FRMD4A: variants seen among roughly 807,000 people sequenced by gnomAD.
FRMD4A encodes the protein FERM domain containing 4A.
A neutral mutation model predicts 129.1 loss-of-function variants in FRMD4A; 29 were observed. The observed-to-expected ratio is 0.22, with a 90% CI of 0.17 to 0.31. FRMD4A has a LOEUF of 0.31. Among genes scored for constraint, FRMD4A ranks in the 10% least tolerant of loss-of-function variants. The probability of loss-of-function intolerance (pLI) is 1.00; values close to 1 mark genes in which losing one functional copy is unlikely to be tolerated. For missense variants in FRMD4A, 1,272 were observed against 1,375.8 expected, an observed-to-expected ratio of 0.92 and a Z score of 1.19; for synonymous variants, 634 against 571.6, an observed-to-expected ratio of 1.11 and a Z score of -1.56.
At chr10:14,144,960 G>A (rs1347186574) in intron 2 of FRMD4A, among the ~76,000 whole-genome samples, 1 of 152,156 alleles carries the variant, frequency 6.6e-6, no homozygotes, top group Non-Finnish European at 1.5e-5. Flanking sequence ...ACCATCTACT[G>A]CTGCTTCTTC....
At chr10:13,723,934 A>G (rs1220463693) in intron 12 of FRMD4A, among the ~76,000 whole-genome samples, 1 of 152,238 alleles carries the variant, frequency 6.6e-6, no homozygotes, top group Admixed American at 6.5e-5. Flanking sequence ...GATTGTCATA[A>G]AGAACTGGAC....
intron 2 of FRMD4A, among the ~76,000 whole-genome samples, chr10:14,235,014 T>C (rs1843754975): frequency 6.6e-6 from 1 of 152,172 alleles, no homozygotes. Flanking sequence ...TTTGTTGCTA[T>C]ATAGGTACGT....
At chr10:14,048,865 TAGAATAGAATAGAATAG>T (rs1834114505) in intron 2 of FRMD4A, among the ~76,000 whole-genome samples, 1 of 134,594 alleles carries the variant, frequency 7.4e-6, no homozygotes, top group Non-Finnish European at 1.7e-5. Context: ...TAGAATAGAA[TAGAATAGAATAGAATAG>T]AATAGAATAG....
intron 2 of FRMD4A, among the ~76,000 whole-genome samples, chr10:14,159,608 T>G (rs1049930950): frequency 3.3e-5 from 5 of 152,062 alleles, no homozygotes; most frequent in African/African-American, 1.2e-4. Context: ...AATGACATTC[T>G]TTACAAAAAC....
At chr10:14,232,924 C>T (rs1308893473) in intron 2 of FRMD4A, among the ~76,000 whole-genome samples, 2 of 152,104 alleles carry the variant, frequency 1.3e-5, no homozygotes, top group Non-Finnish European at 2.9e-5. Context: ...CGTAGTCTTG[C>T]CTGATTACTC....
At chr10:13,863,915 C>T (rs2094328328) in intron 2 of FRMD4A, among the ~76,000 whole-genome samples, 1 of 152,176 alleles carries the variant, frequency 6.6e-6, no homozygotes, top group Non-Finnish European at 1.5e-5. Flanking sequence ...TCAGAACATT[C>T]TGCTGCCCAC....
chr10:13,810,860 T>A lies in FRMD4A; in HGVS notation c.160A>T (p.Asn54Tyr). ...ELLDLVASHFNLKEKEYFGIA... is the reference protein window; with the variant it reads ...ELLDLVASHFYLKEKEYFGIA... ...CCAAAGTACTCCTTTTCCTTCAGATTGAAGTGAGAAGCCACAAGGTCAAGA... is the reference window on the plus strand; with the variant it reads ...CCAAAGTACTCCTTTTCCTTCAGATAGAAGTGAGAAGCCACAAGGTCAAGA... The change falls in exon 4 of 25, where the codon AAT (asparagine) becomes TAT (tyrosine). Residue 54 changes from asparagine (N) to tyrosine (Y), a missense_variant. Coordinates refer to ENST00000357447, the MANE Select transcript of FRMD4A (RefSeq NM_018027.5). 6.2e-7 allele frequency: 1 copy of A among 1,606,106 alleles called. No homozygotes were observed. Among genetic ancestry groups the A allele is most frequent in the Non-Finnish European group, 8.5e-7 (1 of 1,173,438 alleles).
intron 2 of FRMD4A, among the ~76,000 whole-genome samples, chr10:14,165,220 T>C (rs1259372728): frequency 6.6e-6 from 1 of 152,154 alleles, no homozygotes; most frequent in African/African-American, 2.4e-5. Flanking sequence ...TGAACAGACA[T>C]TTTTCAAAAG....
intron 12 of FRMD4A, among the ~76,000 whole-genome samples, chr10:13,716,598 C>T (rs1174608856): frequency 6.6e-6 from 1 of 152,194 alleles, no homozygotes; most frequent in Non-Finnish European, 1.5e-5. Context: ...ACAACGCGAG[C>T]TCTAAATTGA....
intron 15 of FRMD4A, chr10:13,684,941 G>A (rs1314601799): frequency 1.0e-6 from 1 of 984,574 alleles, no homozygotes; most frequent in African/African-American, 1.7e-5. Context: ...GAAAAGTTTT[G>A]GCAGACATCC....
At chr10:13,873,511 G>T (rs963876873) in intron 2 of FRMD4A, among the ~76,000 whole-genome samples, 3 of 152,318 alleles carry the variant, frequency 2.0e-5, no homozygotes, top group African/African-American at 7.2e-5. Flanking sequence ...TACAGGGAGA[G>T]AGTTGGAAAG....
At chr10:14,173,092 G>A (rs542022359) in intron 2 of FRMD4A, among the ~76,000 whole-genome samples, 2 of 152,330 alleles carry the variant, frequency 1.3e-5, no homozygotes, top group South Asian at 4.1e-4. Context: ...GCATCAAAGA[G>A]ATGAGGTAAA....
intron 19 of FRMD4A, 101 bp downstream of exon 19, chr10:13,663,352 C>G (rs2082782674): frequency 8.3e-6 from 6 of 724,952 alleles, no homozygotes; most frequent in Non-Finnish European, 1.5e-5. Context: ...GCCTTTTGGC[C>G]TGGCTCTTGC....
intron 12 of FRMD4A, among the ~76,000 whole-genome samples, chr10:13,729,893 T>C (rs2090205806): frequency 6.6e-6 from 1 of 152,264 alleles, no homozygotes. Context: ...AGTGATGATT[T>C]ACAGATATTG....
chr10:14,209,251 G>A (rs1189839210), intron 2 of FRMD4A, among the ~76,000 whole-genome samples: 1 of 151,996 alleles, frequency 6.6e-6, no homozygotes, highest in Non-Finnish European at 1.5e-5. Context: ...CAAAATAATT[G>A]GATTTCTGGG....
At chr10:14,273,371 C>T (rs1227689661) in intron 2 of FRMD4A, among the ~76,000 whole-genome samples, 1 of 152,156 alleles carries the variant, frequency 6.6e-6, no homozygotes, top group Non-Finnish European at 1.5e-5. Flanking sequence ...AGGGACGCCC[C>T]TTTATTCCGT....
At chr10:13,835,617 A>C (rs2093861219) in intron 3 of FRMD4A, among the ~76,000 whole-genome samples, 1 of 152,162 alleles carries the variant, frequency 6.6e-6, no homozygotes, top group South Asian at 2.1e-4. Context: ...CATGCGAGCT[A>C]TCTGGGTTGT....
intron 2 of FRMD4A, among the ~76,000 whole-genome samples, chr10:14,041,429 G>A (rs944987589): frequency 1.3e-5 from 2 of 152,120 alleles, no homozygotes; most frequent in African/African-American, 2.4e-5. Flanking sequence ...CCTTTTGTCT[G>A]TTTACAAATT....
At chr10:14,008,243 A>G (rs545944214) in intron 2 of FRMD4A, 18 of 1,119,302 alleles carry the variant, frequency 1.6e-5, no homozygotes, top group East Asian at 1.3e-4. Flanking sequence ...AGCCTCCCTC[A>G]AAAATAAGTT....
Sources: allele counts gnomAD v4.1 joint callset (sites outside exome capture counted in the v4.1 genomes callset), GRCh38; gene constraint gnomAD v4.1.1; transcripts MANE v1.5; gene names NCBI Gene and HGNC (gene_info 2026-07-23, HGNC 2026-07-21).